Variants in EPB41L5 observed in about 807,000 individuals in gnomAD.
The protein encoded by EPB41L5 is band 4.1-like protein 5.
EPB41L5 carries 55 observed loss-of-function variants against 106.6 expected under a neutral mutation model. The observed-to-expected ratio is 0.52, with a 90% confidence interval of 0.42 to 0.65. The LOEUF is 0.65. Among genes scored for constraint, EPB41L5 ranks in the 30% least tolerant of loss-of-function variants. The pLI is 0.00. For synonymous variants in EPB41L5, 297 were observed against 306.7 expected (o/e 0.97, Z 0.33); for missense variants, 871 against 882.1 (o/e 0.99, Z 0.16).
intron 20 of EPB41L5, among the ~76,000 whole-genome samples, chr2:120,157,988 T>C (rs915515240): frequency 2.0e-5 from 3 of 152,042 alleles, no homozygotes; most frequent in African/African-American, 7.3e-5. Flanking sequence ...GCACATAAAC[T>C]AGAAAATCTA....
chr2:120,114,555 C>T (rs1684865448), intron 16 of EPB41L5, among the ~76,000 whole-genome samples: 3 of 152,134 alleles, frequency 2.0e-5, no homozygotes. Flanking sequence ...CAGGATATAA[C>T]CCCATCATCA....
chr2:120,169,695 G>T (rs1687584289), intron 24 of EPB41L5, among the ~76,000 whole-genome samples: 1 of 152,044 alleles, frequency 6.6e-6, no homozygotes. Context: ...AATTTATAAA[G>T]AGTTCCTCCA....
Position 120,069,954 on chromosome 2 carries a change from C to CT in EPB41L5, c.286-3223dup, listed in dbSNP as rs544522143. ...ATTCAAAAGCTAGCAGAAGAAATAA[C>CT]TAACAACAGAGCAGAACTGAAGGAG... On this transcript the variant is annotated intron_variant, in intron 3 of 24. Transcript: ENST00000263713. Among the ~76,000 whole-genome samples the CT allele has an allele frequency of 3.0e-4, 45 of 152,174 alleles. No individual in the cohort carries two copies. In the South Asian group the frequency reaches 9.3e-3, roughly 32 times the overall value.
intron 10 of EPB41L5, among the ~76,000 whole-genome samples, chr2:120,079,721 C>G (rs1041975834): frequency 6.6e-6 from 1 of 152,216 alleles, no homozygotes; most frequent in Non-Finnish European, 1.5e-5. Flanking sequence ...CCCCATCTCA[C>G]ATACCCCACA....
In EPB41L5 at chr2:120,131,693, T is replaced by A. The variant is rs758016965; in HGVS notation, c.1577T>A (p.Ile526Asn). 2.5e-6 allele frequency: 4 copies of A among 1,613,800 alleles called. No homozygotes were observed. The Admixed American group carries it at 6.7e-5, about 27-fold the overall frequency. Residue 526 changes from isoleucine to asparagine, a missense_variant, in exon 18 of 25, where the codon ATC (isoleucine) becomes AAC (asparagine). By Grantham distance (149) the Ile-to-Asn change is moderately radical. Transcript: ENST00000263713. Reference protein sequence around the residue: ...NSPLLSPRSNIDVNINSQEEV... With the variant: ...NSPLLSPRSNNDVNINSQEEV... ...CCTTTGCTGTCCCCTCGATCCAACA[T>A]CGATGTTAACATAAACAGCCAGGTA...
At chr2:120,060,506 A>G (rs180686517) in intron 3 of EPB41L5, among the ~76,000 whole-genome samples, 14 of 152,228 alleles carry the variant, frequency 9.2e-5, no homozygotes, top group Admixed American at 9.2e-4. Flanking sequence ...AAATAAAGCC[A>G]GTATCAAAAG....
At chr2:120,037,948 CAG>C (rs1249410768) in intron 2 of EPB41L5, among the ~76,000 whole-genome samples, 1 of 151,980 alleles carries the variant, frequency 6.6e-6, no homozygotes, top group Non-Finnish European at 1.5e-5. Context: ...TAGAAGAAAA[CAG>C]GGAAAAAATC....
At chr2:120,161,117 C>G in intron 21 of EPB41L5, 143 bp downstream of exon 21, 2 of 639,436 alleles carry the variant, frequency 3.1e-6, no homozygotes, top group Non-Finnish European at 5.5e-6. Context: ...GGGGCTCACA[C>G]CTATAATTCC....
intron 5 of EPB41L5, 144 bp from the exon 6 acceptor site, chr2:120,075,332 A>G (rs1017513496): frequency 2.2e-5 from 15 of 674,360 alleles, no homozygotes; most frequent in South Asian, 7.1e-5. Flanking sequence ...CAATTATTTC[A>G]TGTATCCCCA....
intron 15 of EPB41L5, 139 bp downstream of exon 15, chr2:120,100,425 G>A (rs1394137840): frequency 2.4e-6 from 2 of 826,904 alleles, no homozygotes; most frequent in East Asian, 5.2e-5. Context: ...CCCTTAAGTG[G>A]TTCAGTAATA....
At position 120,175,188 on chromosome 2, in the gene EPB41L5, T is replaced by G; in HGVS notation, c.*281T>G. 1 of 397,342 alleles carries G rather than the reference T, an allele frequency of 2.5e-6. No individual in the cohort carries two copies. 24.6% of individuals were successfully genotyped at this position (397,342 alleles called of 1,614,324 possible). Reference sequence around the variant, plus strand: ...AGAAGGGAATTTCTTTTTCTGGGGTTTCCTTCAAACTCTTGGCTCCACCTA... The same window carrying G: ...AGAAGGGAATTTCTTTTTCTGGGGTGTCCTTCAAACTCTTGGCTCCACCTA... On this transcript the variant is annotated 3_prime_UTR_variant, in exon 25 of 25. Coordinates refer to ENST00000263713, the MANE Select transcript of EPB41L5 (RefSeq NM_020909.4).
At chr2:120,079,818 T>C (rs1682516266) in intron 10 of EPB41L5, among the ~76,000 whole-genome samples, 1 of 152,166 alleles carries the variant, frequency 6.6e-6, no homozygotes, top group South Asian at 2.1e-4. Context: ...CTGTTCCCTG[T>C]GGAACTGTTT....
chr2:120,107,786 A>G (rs879738962), intron 16 of EPB41L5, among the ~76,000 whole-genome samples: 5 of 152,204 alleles, frequency 3.3e-5, no homozygotes, highest in Non-Finnish European at 7.4e-5. Flanking sequence ...ATCTTGTTCC[A>G]TTAACGTTAA....
Position 120,175,086 on chromosome 2 carries a change from C to T in EPB41L5, c.*179C>T, listed in dbSNP as rs1303896504. 7.8e-6 allele frequency: 5 copies of T among 642,822 alleles called. No homozygotes were observed. The highest frequency in any genetic ancestry group is 2.7e-5 in the East Asian group (1 of 37,642). The allele number at this position is 642,822 out of a possible 1,614,324, so 39.8% of individuals were successfully genotyped here. A position where few individuals can be genotyped will look rare whatever the true frequency, so the allele number is the denominator to read the frequency against. On this transcript the variant is annotated 3_prime_UTR_variant, in exon 25 of 25. Transcript: ENST00000263713. ...TTCCGTCCAACTGGAATTGTTGAAT[C>T]ACACTGCATAGCTGCCCAAAAGAGA...
At chr2:120,030,487 C>A (rs543750834) in intron 2 of EPB41L5, among the ~76,000 whole-genome samples, 259 of 152,296 alleles carry the variant, frequency 1.7e-3, no homozygotes, top group Non-Finnish European at 2.6e-3. Context: ...ACTTTGACCC[C>A]TATGATTCCA....
intron 2 of EPB41L5, among the ~76,000 whole-genome samples, chr2:120,024,383 G>A (rs762174082): frequency 1.3e-5 from 2 of 152,160 alleles, no homozygotes; most frequent in African/African-American, 2.4e-5. Context: ...AGTGTTTTTA[G>A]CATGAAGACT....
intron 16 of EPB41L5, chr2:120,106,397 A>G: frequency 3.0e-6 from 3 of 985,198 alleles, no homozygotes; most frequent in Non-Finnish European, 3.6e-6. Flanking sequence ...ATGGATATAT[A>G]TGTTGTTTCC....
chr2:120,069,365 A>G (rs1192354458), intron 3 of EPB41L5, among the ~76,000 whole-genome samples: 1 of 152,056 alleles, frequency 6.6e-6, no homozygotes, highest in Non-Finnish European at 1.5e-5. Flanking sequence ...CCCACACATT[A>G]ATAGTGGGAG....
chr2:120,041,162 T>G (rs1215676708), intron 2 of EPB41L5, among the ~76,000 whole-genome samples: 2 of 152,204 alleles, frequency 1.3e-5, no homozygotes, highest in Non-Finnish European at 2.9e-5. Flanking sequence ...AAAATAACTA[T>G]TTTCTAAAAC....
Sources: gnomAD v4.1 joint callset for allele counts (sites outside exome capture counted in the v4.1 genomes callset) on GRCh38, gnomAD v4.1.1 for gene constraint, MANE v1.5 for transcripts, NCBI Gene and HGNC (gene_info 2026-07-23, HGNC 2026-07-21) for gene names.